The following ACCSL variants were observed in gnomAD, a reference collection of about 807,000 sequenced individuals.
The protein encoded by ACCSL is probable inactive 1-aminocyclopropane-1-carboxylate synthase-like protein 2.
ACCSL carries 55 observed loss-of-function variants against 61.7 expected under a neutral mutation model. That is an observed-to-expected ratio of 0.89 (90% confidence interval 0.72 to 1.12). ACCSL has a LOEUF of 1.12. ACCSL is among the 50% of genes most tolerant of loss of function. The pLI is 0.00. For missense variants in ACCSL, 632 were observed against 698.0 expected, an observed-to-expected ratio of 0.91 and a Z score of 1.07; for synonymous variants, 258 against 264.3, an observed-to-expected ratio of 0.98 and a Z score of 0.23.
At chr11:44,006,657 C>T in the ACCSL span, among the ~76,000 whole-genome samples, 1 of 151,912 alleles carries the variant, frequency 6.6e-6, no homozygotes, top group Non-Finnish European at 1.5e-5. Flanking sequence ...AGACACGCAC[C>T]ATCACATCTG....
At chr11:43,971,699 AC>A in the ACCSL span, among the ~76,000 whole-genome samples, 1 of 152,194 alleles carries the variant, frequency 6.6e-6, no homozygotes, top group African/African-American at 2.4e-5. Flanking sequence ...ATGATGGAGT[AC>A]TAGGTGTGAA....
At chr11:43,963,557 T>TGAA in the ACCSL span, among the ~76,000 whole-genome samples, 1 of 152,220 alleles carries the variant, frequency 6.6e-6, no homozygotes, top group African/African-American at 2.4e-5. Flanking sequence ...AACTACTGAA[T>TGAA]GAAGCAAAGC....
At chr11:44,005,365 G>A in the ACCSL span, among the ~76,000 whole-genome samples, 6,016 of 152,158 alleles carry the variant, frequency 0.04, 134 homozygotes, top group Non-Finnish European at 0.053. Context: ...TGTAATTGCT[G>A]CTGGCACACA....
At chr11:44,029,013 G>A in the ACCSL span, among the ~76,000 whole-genome samples, 3 of 152,214 alleles carry the variant, frequency 2.0e-5, no homozygotes, top group Non-Finnish European at 4.4e-5. Context: ...TCACTCCCGG[G>A]CAGTGATCAT....
intron 13 of ACCSL, among the ~76,000 whole-genome samples, chr11:44,059,192 A>G (rs1952691348): frequency 6.6e-6 from 1 of 152,176 alleles, no homozygotes; most frequent in Non-Finnish European, 1.5e-5. Context: ...CAGTGAGCTG[A>G]GATTGCGCCA....
the ACCSL span, among the ~76,000 whole-genome samples, chr11:44,013,062 T>C: frequency 1.1e-4 from 16 of 152,176 alleles, no homozygotes; most frequent in Non-Finnish European, 8.8e-5. Flanking sequence ...GTCTAGCACA[T>C]GGCAGGTGCT....
chr11:44,048,090 G>A lies in ACCSL; in HGVS notation c.54G>A (p.Arg18=), dbSNP rs760178254. 1 of 1,614,136 alleles carries A rather than the reference G, an allele frequency of 6.2e-7. No individual in the cohort carries two copies. Among genetic ancestry groups the A allele is most frequent in the East Asian group, 2.2e-5 (1 of 44,876 alleles). The stretch of plus-strand genomic sequence containing the variant: ...TGCCCTCTGGTCAGAGGAGAGGCCG[G>A]GTCCCCAGAGACCACAGCATCTATA... The part of the protein sequence containing the change: ...LPVPSGQRRG[R]VPRDHSIYTQ... Residue 18 remains arginine (R), a synonymous_variant, in exon 1 of 14, where the codon CGG becomes CGA. Coordinates refer to ENST00000378832, the MANE Select transcript of ACCSL (RefSeq NM_001031854.2).
At chr11:43,967,425 T>G in the ACCSL span, among the ~76,000 whole-genome samples, 5 of 152,006 alleles carry the variant, frequency 3.3e-5, no homozygotes, top group Non-Finnish European at 7.4e-5. Flanking sequence ...GTGATCCACC[T>G]GCCTCAGCCT....
the ACCSL span, among the ~76,000 whole-genome samples, chr11:44,027,253 T>C: frequency 2.0e-5 from 3 of 152,182 alleles, no homozygotes; most frequent in Non-Finnish European, 4.4e-5. Flanking sequence ...GGGCAGAGGC[T>C]CAAGGTCAGC....
the ACCSL span, among the ~76,000 whole-genome samples, chr11:43,939,757 C>T: frequency 5.3e-5 from 8 of 152,318 alleles, no homozygotes; most frequent in East Asian, 1.5e-3. Flanking sequence ...CAGGCACCTG[C>T]CACCACACCT....
the ACCSL span, among the ~76,000 whole-genome samples, chr11:44,017,880 C>A: frequency 1.3e-5 from 2 of 151,972 alleles, no homozygotes; most frequent in African/African-American, 4.8e-5. Flanking sequence ...AGCTACTGGG[C>A]ACTGGGAAGA....
chr11:44,017,547 C>A, the ACCSL span, among the ~76,000 whole-genome samples: 1 of 152,182 alleles, frequency 6.6e-6, no homozygotes, highest in African/African-American at 2.4e-5. Context: ...AGTGTTCTCC[C>A]AGGCTTGGGG....
chr11:44,001,767 T>G, the ACCSL span, among the ~76,000 whole-genome samples: 2 of 93,790 alleles, frequency 2.1e-5, no homozygotes, highest in Non-Finnish European at 2.3e-5. Context: ...GAAGTGGAGG[T>G]AAAGGGGCTG....
At chr11:44,033,777 C>T in the ACCSL span, among the ~76,000 whole-genome samples, 9 of 152,006 alleles carry the variant, frequency 5.9e-5, no homozygotes, top group African/African-American at 2.2e-4. Flanking sequence ...GGAGAGTAAA[C>T]AGAAAGGGCC....
At chr11:44,051,204 TAGTC>T in intron 3 of ACCSL, 127 bp from the exon 4 acceptor site, 1 of 889,518 alleles carries the variant, frequency 1.1e-6, no homozygotes, top group South Asian at 1.4e-5. Context: ...TTGATGGTCT[TAGTC>T]AGTAGCCCTG....
the ACCSL span, among the ~76,000 whole-genome samples, chr11:44,003,898 G>T: frequency 1.3e-5 from 2 of 152,158 alleles, no homozygotes; most frequent in African/African-American, 4.8e-5. Context: ...TACCTCACTT[G>T]GAGGAACCTC....
At chr11:43,966,442 A>C in the ACCSL span, among the ~76,000 whole-genome samples, 2 of 151,814 alleles carry the variant, frequency 1.3e-5, no homozygotes, top group East Asian at 3.9e-4. Flanking sequence ...AAAAAAAAGA[A>C]AAAAAAATTA....
rs1408010599 is a variant in ACCSL, at chr11:44,050,140, G to T, written c.564+19G>T. ...TGAAAGAGTAAGGATGTTCTGGGCT[G>T]TGTTGGGACCCACCCCTTCAAGGCT... On this transcript the variant is annotated intron_variant, in intron 2 of 13. Transcript: ENST00000378832. The T allele has an allele frequency of 6.2e-7, 1 of 1,606,814 alleles. No homozygotes were observed. Among genetic ancestry groups the T allele is most frequent in the Admixed American group, 1.7e-5 (1 of 60,020 alleles).
At chr11:44,011,428 T>C in the ACCSL span, among the ~76,000 whole-genome samples, 1 of 152,184 alleles carries the variant, frequency 6.6e-6, no homozygotes, top group Non-Finnish European at 1.5e-5. Context: ...GATCATTCTG[T>C]CCCCTGCACT....
Sources: gnomAD v4.1 joint callset for allele counts (sites outside exome capture counted in the v4.1 genomes callset) on GRCh38, gnomAD v4.1.1 for gene constraint, MANE v1.5 for transcripts, NCBI Gene and HGNC (gene_info 2026-07-23, HGNC 2026-07-21) for gene names.